Variants in AGPS observed in about 807,000 individuals in gnomAD.
AGPS encodes the protein alkylglycerone phosphate synthase.
AGPS carries 26 observed loss-of-function variants against 90.7 expected under a neutral mutation model. The observed-to-expected ratio is 0.29, with a 90% confidence interval of 0.21 to 0.40. The LOEUF (loss-of-function observed/expected upper bound fraction) is 0.40, where lower values mean the gene tolerates loss of function less well. Ranked by LOEUF, AGPS falls within the 10% of genes least tolerant of loss-of-function variation. The probability of loss-of-function intolerance (pLI) is 1.00; values close to 1 mark genes in which losing one functional copy is unlikely to be tolerated. For missense variants in AGPS, 540 were observed against 816.1 expected (o/e 0.66, Z 4.12); for synonymous variants, 294 against 285.3 (o/e 1.03, Z -0.31).
At chr2:177,461,072 C>T (rs1687279259) in intron 8 of AGPS, among the ~76,000 whole-genome samples, 1 of 152,204 alleles carries the variant, frequency 6.6e-6, no homozygotes, top group Non-Finnish European at 1.5e-5. Flanking sequence ...AGTTGCTTAA[C>T]TGGATGACTA....
rs181690554 is a variant in AGPS at position 177,430,025 on chromosome 2, G to A, written c.351-4302G>A. Reference sequence around the variant, plus strand: ...TTCCCACAGGGAGTCCCCACCCAATGAGGAGCAATGGATTGGGGTCCCACT... The same window carrying A: ...TTCCCACAGGGAGTCCCCACCCAATAAGGAGCAATGGATTGGGGTCCCACT... On this transcript the variant is annotated intron_variant, in intron 2 of 19. Coordinates refer to ENST00000264167, the MANE Select transcript of AGPS (RefSeq NM_003659.4). 5.4e-4 allele frequency among the ~76,000 whole-genome samples: 82 copies of A among 152,338 alleles called. 1 individual carries two copies. The highest frequency in any genetic ancestry group is 1.1e-3 in the Admixed American group (17 of 15,308).
intron 19 of AGPS, among the ~76,000 whole-genome samples, chr2:177,524,542 G>A (rs2079064324): frequency 6.6e-6 from 1 of 152,124 alleles, no homozygotes; most frequent in South Asian, 2.1e-4. Flanking sequence ...TAGGAAAATA[G>A]AAATGTGTAG....
At chr2:177,465,898 T>TA (rs1687432344) in intron 9 of AGPS, among the ~76,000 whole-genome samples, 2 of 152,270 alleles carry the variant, frequency 1.3e-5, no homozygotes, top group African/African-American at 4.8e-5. Flanking sequence ...CTGTTTGTGT[T>TA]ACAGCCCTTT....
At chr2:177,504,122 A>C (rs1688639440) in intron 14 of AGPS, among the ~76,000 whole-genome samples, 1 of 150,964 alleles carries the variant, frequency 6.6e-6, no homozygotes, top group Admixed American at 6.6e-5. Context: ...CCTACTCCTC[A>C]CTCTCTTTTC....
At chr2:177,464,427 C>T (rs999132978) in intron 9 of AGPS, among the ~76,000 whole-genome samples, 3 of 152,128 alleles carry the variant, frequency 2.0e-5, no homozygotes, top group African/African-American at 7.2e-5. Context: ...AACATTAGTG[C>T]ATATTTAATT....
rs1347414307 is a variant in AGPS, at chr2:177,495,822, G to T, written c.1286-1867G>T. 3.3e-5 allele frequency among the ~76,000 whole-genome samples: 5 copies of T among 150,212 alleles called. No individual in the cohort carries two copies. The South Asian group carries it at 1.1e-3, about 32-fold the overall frequency. Reference sequence around the variant, plus strand: ...AGTCCCAGCTACTCGGGAGGCTGAGGCAGGAGAATTGCTTGAACCGGGGAG... The same window carrying T: ...AGTCCCAGCTACTCGGGAGGCTGAGTCAGGAGAATTGCTTGAACCGGGGAG... On this transcript the variant is annotated intron_variant, in intron 12 of 19. Coordinates refer to ENST00000264167, the MANE Select transcript of AGPS (RefSeq NM_003659.4).
chr2:177,465,844 C>G (rs1049961950), intron 9 of AGPS, among the ~76,000 whole-genome samples: 5 of 152,254 alleles, frequency 3.3e-5, no homozygotes, highest in Non-Finnish European at 7.3e-5. Context: ...CTCTCTTTCC[C>G]TCTCGTTGCC....
At chr2:177,448,976 A>G (rs1163977333) in intron 8 of AGPS, among the ~76,000 whole-genome samples, 1 of 152,208 alleles carries the variant, frequency 6.6e-6, no homozygotes, top group East Asian at 1.9e-4. Flanking sequence ...TTCACTAGGC[A>G]TAATTATTTT....
At chr2:177,427,021 T>TG (rs1344621310) in intron 2 of AGPS, among the ~76,000 whole-genome samples, 16 of 152,218 alleles carry the variant, frequency 1.1e-4, no homozygotes, top group Non-Finnish European at 1.8e-4. Flanking sequence ...AGGCTATTAC[T>TG]GTCTCATTTT....
At chr2:177,472,711 T>C (rs952458535) in intron 10 of AGPS, among the ~76,000 whole-genome samples, 2 of 152,332 alleles carry the variant, frequency 1.3e-5, no homozygotes, top group East Asian at 3.9e-4. Flanking sequence ...GCTATTTGTT[T>C]ATAAATGGTG....
intron 10 of AGPS, among the ~76,000 whole-genome samples, chr2:177,479,092 G>A (rs926842099): frequency 2.0e-5 from 3 of 152,152 alleles, no homozygotes. Flanking sequence ...GTTAGGGGTG[G>A]GGACAATGGC....
Position 177,541,262 on chromosome 2 carries a change from AC to A in AGPS, c.*3068del, listed in dbSNP as rs1261845231. On this transcript the variant is annotated 3_prime_UTR_variant, in exon 20 of 20. Coordinates refer to ENST00000264167, the MANE Select transcript of AGPS (RefSeq NM_003659.4). ...CCCCCACTAGAATAGTCTATTAGTA[AC>A]TGCTAAGTCCTAGCTTGCATTTTTG... is the stretch of plus-strand genomic sequence containing the variant. The A allele has an allele frequency of 2.0e-5, 3 of 152,252 alleles. No homozygotes were observed. The highest frequency in any genetic ancestry group is 7.2e-5 in the African/African-American group (3 of 41,574). The allele number at this position is 152,252 out of a possible 1,614,324, so 9.4% of individuals were successfully genotyped here.
At chr2:177,509,072 G>A (rs1435066057) in intron 16 of AGPS, among the ~76,000 whole-genome samples, 1 of 152,094 alleles carries the variant, frequency 6.6e-6, no homozygotes, top group African/African-American at 2.4e-5. Flanking sequence ...TTCTTAGATT[G>A]CATATCTTAA....
Position 177,534,192 on chromosome 2 carries a change from A to T in AGPS, c.1856-3882A>T, listed in dbSNP as rs1209885377. ...CCGTTAAGCCTCAAAGAGTAGTTTC[A>T]GATAATTTTTGGTGGCCAGATTGGC... On this transcript the variant is annotated intron_variant, in intron 19 of 19. Transcript: ENST00000264167. Among the ~76,000 whole-genome samples the T allele has an allele frequency of 2.6e-5, 4 of 152,226 alleles. No individual in the cohort carries two copies. The East Asian group carries it at 7.7e-4, about 29-fold the overall frequency.
chr2:177,521,649 C>T (rs1490768428), intron 18 of AGPS, among the ~76,000 whole-genome samples: 1 of 152,120 alleles, frequency 6.6e-6, no homozygotes, highest in Non-Finnish European at 1.5e-5. Context: ...AATTAAATAA[C>T]TATATAGGAA....
intron 19 of AGPS, among the ~76,000 whole-genome samples, chr2:177,534,455 C>T (rs1574039503): frequency 6.6e-6 from 1 of 152,160 alleles, no homozygotes; most frequent in East Asian, 1.9e-4. Context: ...GAAGAATACA[C>T]ACAACTTGTT....
At chr2:177,509,507 A>C (rs1688807597) in intron 16 of AGPS, among the ~76,000 whole-genome samples, 1 of 152,072 alleles carries the variant, frequency 6.6e-6, no homozygotes, top group Non-Finnish European at 1.5e-5. Flanking sequence ...TCTACTGAAA[A>C]TACAAAAAAT....
chr2:177,506,489 T>C (rs983519463), intron 15 of AGPS, among the ~76,000 whole-genome samples: 1 of 151,934 alleles, frequency 6.6e-6, no homozygotes, highest in Admixed American at 6.6e-5. Flanking sequence ...ATTTTTCTCT[T>C]GGAAATTTTG....
chr2:177,513,657 A>G (rs976439485), intron 16 of AGPS, among the ~76,000 whole-genome samples, 162 bp from the exon 17 acceptor site: 1 of 152,198 alleles, frequency 6.6e-6, no homozygotes, highest in Admixed American at 6.5e-5. Flanking sequence ...GGAGGGCTCA[A>G]TTTGAGTGAT....
Sources: allele counts gnomAD v4.1 joint callset (sites outside exome capture counted in the v4.1 genomes callset), GRCh38; gene constraint gnomAD v4.1.1; transcripts MANE v1.5; gene names NCBI Gene and HGNC (gene_info 2026-07-23, HGNC 2026-07-21).